The following TENM3 variants were observed in gnomAD, a reference collection of about 807,000 sequenced individuals.
TENM3 encodes the protein teneurin-3.
TENM3 carries 63 observed loss-of-function variants against 255.1 expected under a neutral mutation model. The ratio of observed to expected loss-of-function variants is 0.25; its 90% CI spans 0.20 to 0.30. TENM3 has a LOEUF of 0.30. Ranked by LOEUF, TENM3 falls within the 10% of genes least tolerant of loss-of-function variation. The pLI, the probability that TENM3 is intolerant of heterozygous loss-of-function variation, is 1.00. For synonymous variants in TENM3, 1,306 were observed against 1,322.3 expected, an observed-to-expected ratio of 0.99 and a Z score of 0.27; for missense variants, 2,929 against 3,461.1, an observed-to-expected ratio of 0.85 and a Z score of 3.86.
chr4:182,548,312 C>T (rs1205157475), intron 3 of TENM3, among the ~76,000 whole-genome samples: 1 of 152,100 alleles, frequency 6.6e-6, no homozygotes, highest in Admixed American at 6.5e-5. Context: ...AATCCAAACC[C>T]AGCTTTTCCA....
intron 3 of TENM3, among the ~76,000 whole-genome samples, chr4:182,539,620 G>A (rs1740665825): frequency 6.6e-6 from 1 of 152,146 alleles, no homozygotes; most frequent in Non-Finnish European, 1.5e-5. Flanking sequence ...CAAACCATAA[G>A]GATCATTCGA....
the TENM3 span, among the ~76,000 whole-genome samples, chr4:181,541,122 C>T: frequency 6.6e-6 from 1 of 152,100 alleles, no homozygotes; most frequent in African/African-American, 2.4e-5. Flanking sequence ...GCCTGTAATC[C>T]CAACATTTTG....
the TENM3 span, among the ~76,000 whole-genome samples, chr4:182,123,460 A>G: frequency 6.6e-6 from 1 of 152,188 alleles, no homozygotes. Flanking sequence ...CTTAGAGACC[A>G]TTGCAGTGTT....
At chr4:181,928,279 T>C in the TENM3 span, among the ~76,000 whole-genome samples, 1 of 151,814 alleles carries the variant, frequency 6.6e-6, no homozygotes, top group Admixed American at 6.6e-5. Flanking sequence ...GCTAAGAACC[T>C]TGAAAGAAGA....
At chr4:182,627,917 G>T (rs561158669) in intron 4 of TENM3, among the ~76,000 whole-genome samples, 35 of 151,880 alleles carry the variant, frequency 2.3e-4, no homozygotes, top group African/African-American at 8.0e-4. Flanking sequence ...GAATGTTTCC[G>T]TATTTGATCC....
chr4:181,581,222 C>T, the TENM3 span, among the ~76,000 whole-genome samples: 2 of 152,146 alleles, frequency 1.3e-5, no homozygotes, highest in African/African-American at 2.4e-5. Flanking sequence ...TGGTGGATCG[C>T]TTGAGCTCAG....
chr4:182,011,390 T>C, the TENM3 span, among the ~76,000 whole-genome samples: 11 of 152,174 alleles, frequency 7.2e-5, no homozygotes, highest in African/African-American at 2.7e-4. Flanking sequence ...ATTTATTTCT[T>C]ATATTCATTC....
the TENM3 span, among the ~76,000 whole-genome samples, chr4:181,810,053 C>T: frequency 1.4e-4 from 21 of 152,084 alleles, 1 homozygote; most frequent in African/African-American, 5.1e-4. Context: ...CAATAAAAAA[C>T]TAATGCAAAG....
rs563999238 is a variant in TENM3, at chr4:182,259,314, A to G, written c.-76+15838A>G. Reference sequence around the variant, plus strand: ...GAATATTCTAAGAAAGTCCTTTATTATGTATTTATTTATTTAGATACAGGG... The same window carrying G: ...GAATATTCTAAGAAAGTCCTTTATTGTGTATTTATTTATTTAGATACAGGG... On this transcript the variant is annotated intron_variant, in intron 1 of 27. Coordinates refer to ENST00000511685, the MANE Select transcript of TENM3 (RefSeq NM_001080477.4). Among the ~76,000 whole-genome samples the G allele has an allele frequency of 1.3e-3, 202 of 152,214 alleles. 1 individual carries two copies. Among genetic ancestry groups the G allele is most frequent in the African/African-American group, 4.6e-3 (190 of 41,524 alleles).
upstream of TENM3, chr4:182,143,622 C>A (rs748239057): frequency 6.0e-6 from 1 of 166,654 alleles, no homozygotes; most frequent in Non-Finnish European, 1.5e-5. The surrounding 1 kb of genome is among the most constrained non-coding windows in gnomAD (Gnocchi z 4.3). Flanking sequence ...CCACTTAAGT[C>A]CAAAGCAATT....
the TENM3 span, among the ~76,000 whole-genome samples, chr4:181,848,171 C>T: frequency 7.9e-5 from 12 of 152,072 alleles, no homozygotes; most frequent in Admixed American, 3.9e-4. Flanking sequence ...AAAACTGAAG[C>T]GAATTAAGAA....
At chr4:181,866,898 C>T in the TENM3 span, among the ~76,000 whole-genome samples, 1 of 152,122 alleles carries the variant, frequency 6.6e-6, no homozygotes. Flanking sequence ...CCTTTATATT[C>T]TATACTGTCC....
chr4:182,292,661 G>C (rs1264051322), intron 1 of TENM3, among the ~76,000 whole-genome samples: 2 of 152,178 alleles, frequency 1.3e-5, no homozygotes, highest in Admixed American at 6.5e-5. Context: ...CTCTGAAAGT[G>C]GGCGTTGAAC....
At chr4:182,086,383 C>T in the TENM3 span, among the ~76,000 whole-genome samples, 1 of 152,122 alleles carries the variant, frequency 6.6e-6, no homozygotes, top group Non-Finnish European at 1.5e-5. Flanking sequence ...AAAAGCTCTT[C>T]ATAATAAAAA....
At chr4:182,286,049 C>A (rs1760708816) in intron 1 of TENM3, among the ~76,000 whole-genome samples, 1 of 152,170 alleles carries the variant, frequency 6.6e-6, no homozygotes, top group African/African-American at 2.4e-5. Context: ...GTGGCTTGAA[C>A]TGTTCACGCA....
chr4:181,489,383 GGTGTGTGT>G, the TENM3 span, among the ~76,000 whole-genome samples: 1 of 151,246 alleles, frequency 6.6e-6, no homozygotes, highest in Non-Finnish European at 1.5e-5. Context: ...TGTGCACATA[GGTGTGTGT>G]GTGTGTGCAT....
chr4:182,155,413 T>C (rs1306073415), intron 1 of TENM3, among the ~76,000 whole-genome samples: 3 of 152,088 alleles, frequency 2.0e-5, no homozygotes, highest in Non-Finnish European at 4.4e-5. Flanking sequence ...ATTTCTGTTC[T>C]GCGTCATCTT....
At chr4:182,001,201 A>G in the TENM3 span, among the ~76,000 whole-genome samples, 2 of 151,968 alleles carry the variant, frequency 1.3e-5, no homozygotes, top group African/African-American at 2.4e-5. Flanking sequence ...GTTCAAATAT[A>G]AAATATTTTC....
At chr4:182,057,687 T>G in the TENM3 span, among the ~76,000 whole-genome samples, 3 of 152,166 alleles carry the variant, frequency 2.0e-5, no homozygotes, top group East Asian at 5.8e-4. Context: ...AGGTGTGAGC[T>G]ATAGCACTGG....
Sources: gnomAD v4.1 joint callset for allele counts (sites outside exome capture counted in the v4.1 genomes callset) on GRCh38, gnomAD v4.1.1 for gene constraint, Gnocchi (gnomAD v3.1) non-coding constraint, MANE v1.5 for transcripts, NCBI Gene and HGNC (gene_info 2026-07-23, HGNC 2026-07-21) for gene names.